The following HTR4 variants were observed in gnomAD, a reference collection of about 807,000 sequenced individuals.
The protein encoded by HTR4 is 5-hydroxytryptamine (serotonin) receptor 4, G protein-coupled.
A neutral mutation model predicts 36.8 loss-of-function variants in HTR4; 16 were observed. The observed-to-expected ratio is 0.43, with a 90% CI of 0.29 to 0.66. HTR4 has a LOEUF of 0.66. Among genes scored for constraint, HTR4 ranks in the 30% least tolerant of loss-of-function variants. HTR4 has a pLI of 0.13. For synonymous variants in HTR4, 189 were observed against 185.1 expected (o/e 1.02, Z -0.17); for missense variants, 438 against 490.9 (o/e 0.89, Z 1.02).
intron 2 of HTR4, among the ~76,000 whole-genome samples, chr5:148,593,398 A>T (rs148712748): frequency 7.9e-5 from 12 of 152,300 alleles, no homozygotes; most frequent in Middle Eastern, 3.4e-3. Context: ...TTGTTCTCAA[A>T]GCTACTCTTT....
intron 5 of HTR4, among the ~76,000 whole-genome samples, chr5:148,470,513 G>A (rs1037324682): frequency 3.3e-5 from 5 of 152,164 alleles, no homozygotes; most frequent in African/African-American, 9.7e-5. Context: ...AAGCCACATA[G>A]AGTCTTTGTT....
intron 5 of HTR4, among the ~76,000 whole-genome samples, chr5:148,520,130 C>A (rs912274036): frequency 3.3e-5 from 5 of 152,176 alleles, no homozygotes; most frequent in Non-Finnish European, 7.3e-5. Flanking sequence ...TCAGTATTTA[C>A]CAATTCAGTG....
intron 5 of HTR4, among the ~76,000 whole-genome samples, chr5:148,454,913 A>T (rs763522605): frequency 7.9e-5 from 12 of 152,176 alleles, no homozygotes; most frequent in Non-Finnish European, 1.5e-4. Context: ...TGAGTCTTCA[A>T]ACAAGGGCTC....
intron 2 of HTR4, among the ~76,000 whole-genome samples, chr5:148,621,004 T>G (rs1216054427): frequency 1.3e-5 from 2 of 152,200 alleles, no homozygotes; most frequent in African/African-American, 2.4e-5. Context: ...TCATCACATA[T>G]GTACACAAGC....
At position 148,512,826 on chromosome 5, in the gene HTR4, G is replaced by T. The variant is rs1414388224; in HGVS notation, c.508-2802C>A. 1.2e-4 allele frequency among the ~76,000 whole-genome samples: 19 copies of T among 152,202 alleles called. No individual in the cohort carries two copies. The South Asian group carries it at 3.5e-3, about 28-fold the overall frequency. On this transcript the variant is annotated intron_variant, in intron 5 of 6. Coordinates refer to ENST00000377888, the MANE Select transcript of HTR4 (RefSeq NM_000870.7). ...AGGCACCTGAATTCTAGCTCCTAGG[G>T]TGGCTGAGGCACTAGAATCGCTTGA...
At chr5:148,510,091 G>A (rs886324201) in intron 5 of HTR4, 67 bp from the exon 6 acceptor site, 1 of 1,058,148 alleles carries the variant, frequency 9.5e-7, no homozygotes, top group Admixed American at 2.7e-5. Flanking sequence ...TGAAAAAGAA[G>A]TGGGAAAAAT....
Position 148,547,526 on chromosome 5 carries a change from AAAAATAAAAT to A in HTR4, c.353+1132_353+1141del, listed in dbSNP as rs373070134. ...AGAGCAAGACTTGGTCTCAAAAAAT[AAAAATAAAAT>A]AAAATAAAATAAAATAAAATAAAAT... On this transcript the variant is annotated intron_variant, in intron 4 of 6. Coordinates refer to ENST00000377888, the MANE Select transcript of HTR4 (RefSeq NM_000870.7). Among the ~76,000 whole-genome samples, 149 of 125,138 alleles carry A rather than the reference AAAAATAAAAT, an allele frequency of 1.2e-3. 1 individual carries two copies. The highest frequency in any genetic ancestry group is 1.6e-3 in the African/African-American group (52 of 32,308). 82.1% of individuals were successfully genotyped at this position (125,138 alleles called of 152,430 possible).
At chr5:148,537,612 T>G (rs1015741644) in intron 4 of HTR4, among the ~76,000 whole-genome samples, 1 of 152,066 alleles carries the variant, frequency 6.6e-6, no homozygotes, top group African/African-American at 2.4e-5. Context: ...AAGACCTCTA[T>G]GCACACTAAC....
chr5:148,561,598 C>G (rs545024372), intron 2 of HTR4, among the ~76,000 whole-genome samples: 24 of 152,062 alleles, frequency 1.6e-4, no homozygotes, highest in African/African-American at 5.3e-4. Context: ...TGTGCACAGT[C>G]TAGCGTCTCT....
chr5:148,489,800 G>A (rs1756331101), intron 6 of HTR4, among the ~76,000 whole-genome samples: 1 of 152,082 alleles, frequency 6.6e-6, no homozygotes, highest in Non-Finnish European at 1.5e-5. Flanking sequence ...GCCAAGAAGG[G>A]TTTCATATAC....
At chr5:148,644,577 G>T (rs1471820516) in intron 1 of HTR4, 1 of 151,950 alleles carries the variant, frequency 6.6e-6, no homozygotes, top group Non-Finnish European at 1.5e-5. Flanking sequence ...TATAAAAAAT[G>T]GAATAAGACA....
chr5:148,475,272 C>A (rs1755668713), downstream of HTR4, among the ~76,000 whole-genome samples: 1 of 152,072 alleles, frequency 6.6e-6, no homozygotes, highest in South Asian at 2.1e-4. Flanking sequence ...ATTAAGGTGT[C>A]TGAAGAAGCA....
At chr5:148,645,622 T>TA (rs1368327820) in intron 1 of HTR4, 1 of 152,202 alleles carries the variant, frequency 6.6e-6, no homozygotes, top group African/African-American at 2.4e-5. Flanking sequence ...CTCATCTGTA[T>TA]AATGGAGATA....
rs1268712931 is a variant in HTR4 at position 148,544,407 on chromosome 5, C to T, written c.353+4261G>A. 4.6e-5 allele frequency among the ~76,000 whole-genome samples: 7 copies of T among 152,130 alleles called. 1 individual carries two copies. The East Asian group carries it at 1.4e-3, about 29-fold the overall frequency. ...TTTATTTTACAAAAATGGAACTATG[C>T]TAAACATTAGAGTCTGCCAGTTGCT... On this transcript the variant is annotated intron_variant, in intron 4 of 6. Transcript: ENST00000377888.
intron 2 of HTR4, among the ~76,000 whole-genome samples, chr5:148,595,106 A>T (rs1761718955): frequency 6.6e-6 from 1 of 151,312 alleles, no homozygotes; most frequent in South Asian, 2.1e-4. Flanking sequence ...ACCAAATGGG[A>T]TTATACAAGG....
chr5:148,627,392 CT>C (rs1403849152), intron 2 of HTR4, among the ~76,000 whole-genome samples: 1 of 152,096 alleles, frequency 6.6e-6, no homozygotes, highest in African/African-American at 2.4e-5. Context: ...TCCACATACG[CT>C]TTTTCTGGCA....
chr5:148,623,034 T>C (rs767300156), intron 2 of HTR4, among the ~76,000 whole-genome samples: 15 of 151,908 alleles, frequency 9.9e-5, no homozygotes, highest in Non-Finnish European at 2.1e-4. Flanking sequence ...AAATATGAGT[T>C]GTAAATGTGA....
intron 2 of HTR4, among the ~76,000 whole-genome samples, chr5:148,602,880 A>C (rs1028975241): frequency 2.0e-5 from 3 of 152,154 alleles, no homozygotes; most frequent in Non-Finnish European, 2.9e-5. Context: ...ATAAATTTAA[A>C]ATTTAGATGA....
At chr5:148,609,704 T>A (rs1213435076) in intron 2 of HTR4, among the ~76,000 whole-genome samples, 1 of 151,960 alleles carries the variant, frequency 6.6e-6, no homozygotes, top group African/African-American at 2.4e-5. Context: ...TAGCTGGGAC[T>A]ACAGGCGCCC....
Sources: gnomAD v4.1 joint callset for allele counts (sites outside exome capture counted in the v4.1 genomes callset) on GRCh38, gnomAD v4.1.1 for gene constraint, MANE v1.5 for transcripts, NCBI Gene and HGNC (gene_info 2026-07-23, HGNC 2026-07-21) for gene names.